The following SLC24A4 variants were observed in gnomAD, a reference collection of about 807,000 sequenced individuals.
SLC24A4 encodes solute carrier family 24 member 4.
Under a neutral mutation model 79.0 loss-of-function variants are expected in SLC24A4, and 53 were observed. That is an observed-to-expected ratio of 0.67 (90% CI 0.54 to 0.84). SLC24A4 has a LOEUF of 0.84. Ranked by LOEUF, SLC24A4 falls within the 40% of genes least tolerant of loss-of-function variation. The probability of loss-of-function intolerance (pLI) is 0.00; values close to 1 mark genes in which losing one functional copy is unlikely to be tolerated. For synonymous variants in SLC24A4, 323 were observed against 323.8 expected (o/e 1.00, Z 0.03); for missense variants, 731 against 822.0 (o/e 0.89, Z 1.35).
At chr14:92,331,705 G>A (rs1885488000) in intron 2 of SLC24A4, among the ~76,000 whole-genome samples, 1 of 152,196 alleles carries the variant, frequency 6.6e-6, no homozygotes, top group Non-Finnish European at 1.5e-5. Context: ...TCTGTAAAAT[G>A]AAGGTGATAA....
intron 2 of SLC24A4, among the ~76,000 whole-genome samples, chr14:92,351,688 C>T (rs1886883684): frequency 6.6e-6 from 1 of 151,240 alleles, no homozygotes; most frequent in Non-Finnish European, 1.5e-5. Context: ...GAAACCCCAT[C>T]TCTACTAAAA....
intron 2 of SLC24A4, among the ~76,000 whole-genome samples, chr14:92,430,271 AGT>A (rs1383912418): frequency 6.6e-6 from 1 of 152,164 alleles, no homozygotes; most frequent in African/African-American, 2.4e-5. Context: ...GTGGCTACCA[AGT>A]GGGTGCTCTG....
rs1310326446 is a variant in SLC24A4, at chr14:92,323,447, G to A, written c.-384G>A. 1.3e-5 allele frequency among the ~76,000 whole-genome samples: 2 copies of A among 151,696 alleles called. No individual in the cohort carries two copies. The highest frequency in any genetic ancestry group is 2.9e-5 in the Non-Finnish European group (2 of 67,854). Reference sequence around the variant, plus strand: ...CGGGGGCGCACTGAGTGCTCCCTACGGCGCTGCTGCCAGGGCTGTGGCCGG... The same window carrying A: ...CGGGGGCGCACTGAGTGCTCCCTACAGCGCTGCTGCCAGGGCTGTGGCCGG... On this transcript the variant is annotated 5_prime_UTR_variant, in exon 1 of 17. Coordinates refer to ENST00000532405, the MANE Select transcript of SLC24A4 (RefSeq NM_153646.4). This position sits in a 1 kb window ranked among gnomAD's most constrained non-coding sequence, Gnocchi z 4.9.
At chr14:92,488,882 A>C (rs1895520435) in intron 14 of SLC24A4, among the ~76,000 whole-genome samples, 1 of 152,150 alleles carries the variant, frequency 6.6e-6, no homozygotes, top group Admixed American at 6.5e-5. Flanking sequence ...CTGGCCCTGG[A>C]GTTCAGGCTA....
At chr14:92,475,379 C>A (rs1380393868) in intron 12 of SLC24A4, among the ~76,000 whole-genome samples, 1 of 152,230 alleles carries the variant, frequency 6.6e-6, no homozygotes, top group Non-Finnish European at 1.5e-5. Flanking sequence ...GTATGGTCCA[C>A]ACTGGTGCAG....
rs140590199 is a variant in SLC24A4 at position 92,466,572 on chromosome 14, G to T, written c.1255+9964G>T. Among the ~76,000 whole-genome samples, 985 of 152,216 alleles carry T rather than the reference G, an allele frequency of 6.5e-3. 8 individuals carry two copies. The highest frequency in any genetic ancestry group is 0.022 in the African/African-American group (928 of 41,524). ...AAAATAATAAAAATACCAAAAATTAGATTCTAAAGCTTATTCACCCCAGGG... is the reference window on the plus strand; with the variant it reads ...AAAATAATAAAAATACCAAAAATTATATTCTAAAGCTTATTCACCCCAGGG... On this transcript the variant is annotated intron_variant, in intron 12 of 16. Transcript: ENST00000532405.
At position 92,493,744 on chromosome 14, in the gene SLC24A4, T is replaced by C. The variant is rs1895828714; in HGVS notation, c.*116T>C. Reference sequence around the variant, plus strand: ...GCATAGGCAGCCACTGTCCGTTCTTTCACACACTGGAAGGAAGAGCCATCG... The same window carrying C: ...GCATAGGCAGCCACTGTCCGTTCTTCCACACACTGGAAGGAAGAGCCATCG... On this transcript the variant is annotated 3_prime_UTR_variant, in exon 17 of 17. Transcript: ENST00000532405. 2 of 1,216,858 alleles carry C rather than the reference T, an allele frequency of 1.6e-6. No individual in the cohort carries two copies. Among genetic ancestry groups the C allele is most frequent in the Non-Finnish European group, 2.3e-6 (2 of 878,528 alleles). The allele number at this position is 1,216,858 out of a possible 1,614,324, so 75.4% of individuals were successfully genotyped here. A position where few individuals can be genotyped will look rare whatever the true frequency, so the allele number is the denominator to read the frequency against.
intron 13 of SLC24A4, 146 bp from the exon 14 acceptor site, chr14:92,486,520 T>C (rs2139933972): frequency 1.6e-6 from 1 of 614,872 alleles, no homozygotes; most frequent in East Asian, 2.8e-5. Context: ...TTTTTTTTGT[T>C]TTGTTTTGTT....
intron 2 of SLC24A4, among the ~76,000 whole-genome samples, chr14:92,379,286 G>A (rs772936394): frequency 1.3e-5 from 2 of 152,140 alleles, no homozygotes; most frequent in Non-Finnish European, 2.9e-5. Flanking sequence ...TCTGTGAAAG[G>A]AAGGTGCTTT....
At chr14:92,399,242 T>C (rs191691030) in intron 2 of SLC24A4, among the ~76,000 whole-genome samples, 2 of 152,260 alleles carry the variant, frequency 1.3e-5, no homozygotes, top group East Asian at 3.9e-4. Flanking sequence ...CTCTGTGGGG[T>C]CTGAATTGCT....
chr14:92,371,876 C>T (rs1888182326), intron 2 of SLC24A4, among the ~76,000 whole-genome samples: 1 of 152,226 alleles, frequency 6.6e-6, no homozygotes, highest in Non-Finnish European at 1.5e-5. Context: ...CAGTGCTGGC[C>T]CTTTCTCAAG....
At chr14:92,436,800 G>C (rs1892200726) in intron 3 of SLC24A4, among the ~76,000 whole-genome samples, 1 of 152,154 alleles carries the variant, frequency 6.6e-6, no homozygotes, top group Non-Finnish European at 1.5e-5. Flanking sequence ...CTCTCGGGAG[G>C]TGATGTTGGT....
intron 6 of SLC24A4, 171 bp from the exon 7 acceptor site, chr14:92,443,229 T>C (rs762220297): frequency 5.5e-5 from 37 of 670,654 alleles, no homozygotes; most frequent in Non-Finnish European, 8.2e-5. Context: ...TTGAGAACAT[T>C]ACTTGGTTTC....
chr14:92,481,258 G>A (rs1202574976), intron 12 of SLC24A4, among the ~76,000 whole-genome samples: 1 of 152,196 alleles, frequency 6.6e-6, no homozygotes, highest in African/African-American at 2.4e-5. Context: ...AGATATCTAG[G>A]AGCTTTTCAA....
At chr14:92,341,761 C>T (rs780899062) in intron 2 of SLC24A4, among the ~76,000 whole-genome samples, 4 of 152,134 alleles carry the variant, frequency 2.6e-5, no homozygotes, top group Non-Finnish European at 4.4e-5. Flanking sequence ...GATGGGGCCA[C>T]GTGCTGGAGG....
rs1489053476 is a variant in SLC24A4 at position 92,441,919 on chromosome 14, C to T, written c.394-170C>T. ...GGAATGCCTGGTGGAGGCTGGAGGGCAGATGGCAGAGGGCACACAGCATGT... is the reference window on the plus strand; with the variant it reads ...GGAATGCCTGGTGGAGGCTGGAGGGTAGATGGCAGAGGGCACACAGCATGT... On this transcript the variant is annotated intron_variant, in intron 4 of 16. Coordinates refer to ENST00000532405, the MANE Select transcript of SLC24A4 (RefSeq NM_153646.4). This position sits in a 1 kb window ranked among gnomAD's most constrained non-coding sequence, Gnocchi z 4.6. Among the ~76,000 whole-genome samples the T allele has an allele frequency of 6.6e-6, 1 of 152,142 alleles. No individual in the cohort carries two copies. The highest frequency in any genetic ancestry group is 1.5e-5 in the Non-Finnish European group (1 of 68,018).
At chr14:92,407,518 A>G (rs57416118) in intron 2 of SLC24A4, among the ~76,000 whole-genome samples, 59,485 of 151,896 alleles carry the variant, frequency 0.39, 11,924 homozygotes, top group African/African-American at 0.47. Flanking sequence ...AAGAAAAGAG[A>G]TTTAATTGAC....
intron 2 of SLC24A4, among the ~76,000 whole-genome samples, chr14:92,399,344 A>C (rs980280917): frequency 1.6e-4 from 25 of 152,232 alleles, no homozygotes; most frequent in African/African-American, 5.8e-4. Context: ...GCATGGAAAC[A>C]GTTCAGATTA....
intron 2 of SLC24A4, among the ~76,000 whole-genome samples, chr14:92,402,387 T>C (rs1417240956): frequency 6.6e-6 from 1 of 152,148 alleles, no homozygotes; most frequent in African/African-American, 2.4e-5. Context: ...GCCATGGAGA[T>C]TGTCCCAGCT....
Sources: gnomAD v4.1 joint callset for allele counts (sites outside exome capture counted in the v4.1 genomes callset) on GRCh38, gnomAD v4.1.1 for gene constraint, Gnocchi (gnomAD v3.1) non-coding constraint, MANE v1.5 for transcripts, NCBI Gene and HGNC (gene_info 2026-07-23, HGNC 2026-07-21) for gene names.